Variants in ARSB observed in about 807,000 individuals in gnomAD.
ARSB encodes arylsulfatase B, also known as N-acetylgalactosamine-4-sulfatase.
Under a neutral mutation model 50.9 loss-of-function variants are expected in ARSB, and 41 were observed. The ratio of observed to expected loss-of-function variants is 0.81; its 90% CI spans 0.63 to 1.04. The LOEUF (loss-of-function observed/expected upper bound fraction) is 1.04. ARSB is among the 50% of genes least tolerant of loss of function. ARSB has a pLI of 0.00. For missense variants in ARSB, 672 were observed against 693.3 expected (o/e 0.97, Z 0.35); for synonymous variants, 269 against 284.8 (o/e 0.94, Z 0.56).
intron 4 of ARSB, among the ~76,000 whole-genome samples, chr5:78,949,703 A>T (rs1487681748): frequency 6.6e-6 from 1 of 152,204 alleles, no homozygotes; most frequent in Non-Finnish European, 1.5e-5. Context: ...TGAGCTCAGG[A>T]GTTCGAGACC....
chr5:78,837,851 C>T (rs751342094), intron 6 of ARSB, among the ~76,000 whole-genome samples: 32 of 152,182 alleles, frequency 2.1e-4, no homozygotes, highest in African/African-American at 7.7e-4. Flanking sequence ...ACTGTTCTTA[C>T]AGTCCTTAGG....
chr5:78,916,619 C>T (rs188227574), intron 4 of ARSB, among the ~76,000 whole-genome samples: 1 of 152,242 alleles, frequency 6.6e-6, no homozygotes, highest in Admixed American at 6.5e-5. Context: ...TTAAATGTTA[C>T]ATTAATGCCA....
intron 5 of ARSB, among the ~76,000 whole-genome samples, chr5:78,863,833 T>C (rs1746573340): frequency 6.6e-6 from 1 of 152,088 alleles, no homozygotes; most frequent in East Asian, 1.9e-4. Context: ...ATCATCTTTA[T>C]TTCATAAACC....
At chr5:78,941,545 G>A (rs970063431) in intron 4 of ARSB, among the ~76,000 whole-genome samples, 5 of 152,228 alleles carry the variant, frequency 3.3e-5, no homozygotes, top group African/African-American at 9.6e-5. Context: ...ATAATCATGT[G>A]GTTTTTGTCT....
At chr5:78,956,424 G>A (rs1751730919) in intron 3 of ARSB, among the ~76,000 whole-genome samples, 1 of 152,068 alleles carries the variant, frequency 6.6e-6, no homozygotes, top group Non-Finnish European at 1.5e-5. Context: ...GGGGGATGAT[G>A]AACATGTTTT....
intron 6 of ARSB, among the ~76,000 whole-genome samples, chr5:78,788,248 A>C (rs934663392): frequency 2.0e-5 from 3 of 152,172 alleles, no homozygotes; most frequent in Non-Finnish European, 4.4e-5. Context: ...AGCCGTGTGT[A>C]TTGATTTTGG....
chr5:78,865,012 T>A (rs530180327), intron 5 of ARSB, among the ~76,000 whole-genome samples: 1 of 152,316 alleles, frequency 6.6e-6, no homozygotes, highest in African/African-American at 2.4e-5. Flanking sequence ...TGGGCTGGCA[T>A]TGAGTGTCTG....
At chr5:78,872,738 C>A (rs888053408) in intron 5 of ARSB, among the ~76,000 whole-genome samples, 1 of 146,588 alleles carries the variant, frequency 6.8e-6, no homozygotes, top group Non-Finnish European at 1.5e-5. Context: ...GTGGGTGCAG[C>A]GTACCAGCAT....
At chr5:78,913,860 T>A (rs1161515887) in intron 4 of ARSB, among the ~76,000 whole-genome samples, 2 of 152,162 alleles carry the variant, frequency 1.3e-5, no homozygotes, top group Admixed American at 6.5e-5. Context: ...TTTAAAAAAA[T>A]TTTTAGTGTC....
chr5:78,973,994 G>A (rs185464363), intron 1 of ARSB, among the ~76,000 whole-genome samples: 6 of 152,278 alleles, frequency 3.9e-5, no homozygotes, highest in African/African-American at 1.2e-4. Context: ...TGATCAGAAC[G>A]CAATCACAGA....
intron 5 of ARSB, among the ~76,000 whole-genome samples, chr5:78,860,403 A>G (rs1746375562): frequency 6.6e-6 from 1 of 152,216 alleles, no homozygotes; most frequent in Non-Finnish European, 1.5e-5. Context: ...AAATTATAAC[A>G]AACTGTCTTT....
chr5:78,951,763 AT>A (rs1416374255), intron 4 of ARSB, among the ~76,000 whole-genome samples: 1 of 152,184 alleles, frequency 6.6e-6, no homozygotes, highest in African/African-American at 2.4e-5. Context: ...TATGGAAATA[AT>A]TTTTTAAATG....
chr5:78,851,835 G>C (rs1288520060), intron 5 of ARSB, among the ~76,000 whole-genome samples: 1 of 151,908 alleles, frequency 6.6e-6, no homozygotes, highest in African/African-American at 2.4e-5. Context: ...TGTCTCTTTT[G>C]ATCTTTGTTG....
chr5:78,914,454 A>G (rs368916841), intron 4 of ARSB, among the ~76,000 whole-genome samples: 1 of 152,226 alleles, frequency 6.6e-6, no homozygotes, highest in East Asian at 1.9e-4. Context: ...CAAAGAAGAA[A>G]GAAATGAACT....
rs747020589 is a variant in ARSB, at chr5:78,885,844, T to C, written c.899-17A>G. 3 of 1,614,132 alleles carry C rather than the reference T, an allele frequency of 1.9e-6. No homozygotes were observed. The highest frequency in any genetic ancestry group is 2.5e-6 in the Non-Finnish European group (3 of 1,180,026). ...CTCCGTTATCTGAAACACAGTAAGG[T>C]CTTGGCATGAGGATGATGTTAACTC... On this transcript the variant is annotated splice_polypyrimidine_tract_variant and intron_variant, in intron 4 of 7. Transcript: ENST00000264914.
intron 4 of ARSB, among the ~76,000 whole-genome samples, chr5:78,937,746 T>A (rs906586696): frequency 4.0e-5 from 6 of 151,766 alleles, no homozygotes; most frequent in Non-Finnish European, 8.8e-5. Context: ...TGGGGGTGGT[T>A]TTAAAATGTA....
intron 5 of ARSB, among the ~76,000 whole-genome samples, chr5:78,849,423 A>G (rs971854473): frequency 5.9e-5 from 9 of 151,930 alleles, no homozygotes; most frequent in Admixed American, 1.3e-4. Context: ...CCATTGATCT[A>G]TATCTCTGTT....
At chr5:78,844,301 G>C (rs1043537757) in intron 5 of ARSB, among the ~76,000 whole-genome samples, 3 of 152,102 alleles carry the variant, frequency 2.0e-5, no homozygotes, top group African/African-American at 7.2e-5. Flanking sequence ...TTAATGATGA[G>C]CATCTTTTCA....
chr5:78,874,778 C>T (rs530617977), intron 5 of ARSB, among the ~76,000 whole-genome samples: 29 of 152,080 alleles, frequency 1.9e-4, no homozygotes, highest in Admixed American at 5.2e-4. Context: ...CTGATGTGGA[C>T]AACAAGAAAG....
Sources: allele counts gnomAD v4.1 joint callset (sites outside exome capture counted in the v4.1 genomes callset), GRCh38; gene constraint gnomAD v4.1.1; transcripts MANE v1.5; gene names NCBI Gene and HGNC (gene_info 2026-07-23, HGNC 2026-07-21).